The following MRNIP variants were observed in gnomAD, a reference collection of about 807,000 sequenced individuals.
The protein encoded by MRNIP is MRN complex-interacting protein.
Under a neutral mutation model 29.8 loss-of-function variants are expected in MRNIP, and 30 were observed. The observed-to-expected ratio is 1.01, with a 90% CI of 0.75 to 1.36. The LOEUF is 1.36. Among genes scored for constraint, MRNIP ranks in the 40% most tolerant of loss-of-function variants. The pLI is 0.00. For synonymous variants in MRNIP, 201 were observed against 164.1 expected (o/e 1.23, Z -1.72); for missense variants, 459 against 423.5 (o/e 1.08, Z -0.74).
In MRNIP at chr5:179,837,773, C is replaced by T; in HGVS notation, c.650G>A (p.Ser217Asn). 1 of 1,614,240 alleles carries T rather than the reference C, an allele frequency of 6.2e-7. No individual in the cohort carries two copies. Among genetic ancestry groups the T allele is most frequent in the Non-Finnish European group, 8.5e-7 (1 of 1,180,052 alleles). Reference sequence around the variant, plus strand: ...TGTGGCTGTAACCTGCTGGATGGGACTCCATAGCTCCTTCCCAGGACCCCT... The same window carrying T: ...TGTGGCTGTAACCTGCTGGATGGGATTCCATAGCTCCTTCCCAGGACCCCT... ...ELRGPGKELWSPIQQVTATSS... is the reference protein window; with the variant it reads ...ELRGPGKELWNPIQQVTATSS... Residue 217 changes from serine (S) to asparagine (N), a missense_variant, in exon 7 of 7, where the codon AGT becomes AAT. Physicochemically the swap from Ser to Asn is conservative, Grantham distance 46 (BLOSUM62 1). Coordinates refer to ENST00000292586, the MANE Select transcript of MRNIP (RefSeq NM_016175.4).
intron 1 of MRNIP, among the ~76,000 whole-genome samples, chr5:179,857,475 A>C (rs1159711285): frequency 6.6e-6 from 1 of 152,144 alleles, no homozygotes; most frequent in Non-Finnish European, 1.5e-5. Context: ...TCAAAAACAA[A>C]AAAAGGAAAT....
chr5:179,844,178 G>A lies in MRNIP; in HGVS notation c.265C>T (p.Gln89Ter), dbSNP rs1048857239. 2 of 1,614,134 alleles carry A rather than the reference G, an allele frequency of 1.2e-6. No individual in the cohort carries two copies. The highest frequency in any genetic ancestry group is 3.3e-5 in the Admixed American group (2 of 60,016). ...SASEEENVGH[Q>*]QAGNVKQQEK... The stretch of plus-strand genomic sequence containing the variant: ...TGCTGCTTCACATTCCCAGCCTGCT[G>A]GTGTCCCACGTTTTCTTCTTCACTG... Residue 89 changes from glutamine to a stop codon, truncating the protein, a stop_gained, in exon 4 of 7, where the codon CAG becomes TAG. Coordinates refer to ENST00000292586, the MANE Select transcript of MRNIP (RefSeq NM_016175.4). LOFTEE classifies it high-confidence loss of function.
At position 179,837,340 on chromosome 5, in the gene MRNIP, C is replaced by T; in HGVS notation, c.*51G>A. On this transcript the variant is annotated 3_prime_UTR_variant, in exon 7 of 7. Transcript: ENST00000292586. ...TATCTTTAAAAGTGCCTTAGGGGAA[C>T]CCTGTCCCTCCTAACAAGTGTATCT... 6.3e-7 allele frequency: 1 copy of T among 1,583,706 alleles called. No homozygotes were observed. The highest frequency in any genetic ancestry group is 1.8e-5 in the Admixed American group (1 of 56,160).
At chr5:179,844,380 T>A in intron 3 of MRNIP, 153 bp from the exon 4 acceptor site, 3 of 606,968 alleles carry the variant, frequency 4.9e-6, no homozygotes, top group Non-Finnish European at 8.8e-6. Flanking sequence ...CGGTGGTGCA[T>A]ACCTATATTC....
Position 179,848,123 on chromosome 5 carries a change from A to G in MRNIP, c.127-57T>C, listed in dbSNP as rs1561619820. 5.1e-6 allele frequency: 7 copies of G among 1,363,896 alleles called. No individual in the cohort carries two copies. The East Asian group carries it at 1.1e-4, about 22-fold the overall frequency. 84.5% of individuals were successfully genotyped at this position (1,363,896 alleles called of 1,614,324 possible). A position where few individuals can be genotyped will look rare whatever the true frequency, so the allele number is the denominator to read the frequency against. ...AAGTGCTGGCAGAATGCTGAGAAAC[A>G]GATCCATTTGAGATGCACCTCAGGG... On this transcript the variant is annotated intron_variant, in intron 2 of 6. Coordinates refer to ENST00000292586, the MANE Select transcript of MRNIP (RefSeq NM_016175.4).
Position 179,837,391 on chromosome 5 carries a change from TCACA to T in MRNIP, c.1028_1031del (p.Val343AspfsTer8), listed in dbSNP as rs1357388098. On this transcript the variant is annotated frameshift_variant and stop_lost, in exon 7 of 7. Coordinates refer to ENST00000292586, the MANE Select transcript of MRNIP (RefSeq NM_016175.4). LOFTEE classifies it high-confidence loss of function. ...CGATTAATAACCTGCCAGTCCCAGA[TCACA>T]CATCATCATCGAAGTCTTCCCCAGT... 1 of 1,588,138 alleles carries T rather than the reference TCACA, an allele frequency of 6.3e-7. No individual in the cohort carries two copies. The highest frequency in any genetic ancestry group is 2.2e-5 in the East Asian group (1 of 44,586).
chr5:179,855,907 GT>G (rs1205010985), intron 1 of MRNIP, among the ~76,000 whole-genome samples: 166 of 111,008 alleles, frequency 1.5e-3, no homozygotes, highest in East Asian at 6.1e-3. Flanking sequence ...AAGAAAAGTT[GT>G]TTTTTTTTTT....
chr5:179,852,002 T>C (rs541121841), intron 2 of MRNIP, among the ~76,000 whole-genome samples: 7 of 148,246 alleles, frequency 4.7e-5, no homozygotes, highest in African/African-American at 1.5e-4. Flanking sequence ...ATAAAAAATA[T>C]CAGGTGAAGG....
rs752130564 is a variant in MRNIP at position 179,842,016 on chromosome 5, C to T, written c.340G>A (p.Asp114Asn). 6.2e-7 allele frequency: 1 copy of T among 1,614,130 alleles called. No individual in the cohort carries two copies. Among genetic ancestry groups the T allele is most frequent in the South Asian group, 1.1e-5 (1 of 91,076 alleles). ...ESRWLKYLEK[D>N]SQELELEGTG... ...CCTTCCAGCTCCAGTTCTTGGGAGT[C>T]CTTTTCTAGATACTTCAGCCAGCGA... Residue 114 changes from aspartate (D) to asparagine (N), a missense_variant, in exon 5 of 7, where the codon GAC becomes AAC. By Grantham distance (23) the Asp-to-Asn change is conservative. Coordinates refer to ENST00000292586, the MANE Select transcript of MRNIP (RefSeq NM_016175.4).
intron 2 of MRNIP, 33 bp downstream of exon 2, chr5:179,853,345 C>A: frequency 6.2e-7 from 1 of 1,606,522 alleles, no homozygotes; most frequent in South Asian, 1.1e-5. Context: ...TGCAGGCCTG[C>A]GCCCCACTTG....
chr5:179,852,706 G>A (rs575357037), intron 2 of MRNIP, among the ~76,000 whole-genome samples: 14 of 152,334 alleles, frequency 9.2e-5, no homozygotes, highest in Admixed American at 2.6e-4. Flanking sequence ...AGAAGGAGAG[G>A]AAAGATGAGA....
chr5:179,842,803 C>T (rs138180124), intron 4 of MRNIP, among the ~76,000 whole-genome samples: 1,730 of 146,890 alleles, frequency 0.012, 41 homozygotes, highest in African/African-American at 0.042. Context: ...GAGGCTGAGG[C>T]GGGCGGGTCA....
intron 5 of MRNIP, chr5:179,841,257 C>T (rs1292657679): frequency 4.9e-6 from 2 of 407,732 alleles, no homozygotes; most frequent in Non-Finnish European, 8.9e-6. Flanking sequence ...GCCTCAGCCT[C>T]CCAAGTAGCT....
At chr5:179,854,628 C>A (rs1031949671) in intron 1 of MRNIP, among the ~76,000 whole-genome samples, 4 of 151,042 alleles carry the variant, frequency 2.6e-5, no homozygotes, top group Non-Finnish European at 4.4e-5. Context: ...CAAATCCAAA[C>A]AAAACAAAAC....
chr5:179,852,048 AGGCAGGT>A (rs923343306), intron 2 of MRNIP, among the ~76,000 whole-genome samples: 9 of 152,156 alleles, frequency 5.9e-5, no homozygotes, highest in African/African-American at 2.2e-4. Flanking sequence ...TTGTCTACGG[AGGCAGGT>A]GGATCATTTG....
chr5:179,851,255 C>T (rs1382851441), intron 2 of MRNIP: 4 of 455,904 alleles, frequency 8.8e-6, no homozygotes, highest in Non-Finnish European at 1.8e-5. Flanking sequence ...GGTAAGCCAG[C>T]CCCTCTCTTC....
intron 3 of MRNIP, among the ~76,000 whole-genome samples, chr5:179,846,642 A>ACCT (rs1759142399): frequency 6.6e-6 from 1 of 151,998 alleles, no homozygotes; most frequent in Admixed American, 6.6e-5. Flanking sequence ...AGCTCCATTT[A>ACCT]CCTCTGCTTC....
chr5:179,858,643 G>T, intron 1 of MRNIP, 88 bp downstream of exon 1: 1 of 856,318 alleles, frequency 1.2e-6, no homozygotes, highest in Non-Finnish European at 1.8e-6. Context: ...GCATCCCGGA[G>T]CCATTCGAGA....
At chr5:179,846,195 T>TG (rs1269798502) in intron 3 of MRNIP, 1 of 152,232 alleles carries the variant, frequency 6.6e-6, no homozygotes, top group Non-Finnish European at 1.5e-5. Context: ...GTTGATCTTT[T>TG]GCTCCTGGTG....
Sources: allele counts gnomAD v4.1 joint callset (sites outside exome capture counted in the v4.1 genomes callset), GRCh38; gene constraint gnomAD v4.1.1; transcripts MANE v1.5; gene names NCBI Gene and HGNC (gene_info 2026-07-23, HGNC 2026-07-21).